PRUNE2: variants seen among roughly 807,000 people sequenced by gnomAD.
PRUNE2 encodes prune homolog 2 with BCH domain.
A neutral mutation model predicts 252.0 loss-of-function variants in PRUNE2; 164 were observed. The ratio of observed to expected loss-of-function variants is 0.65; its 90% CI spans 0.57 to 0.74. PRUNE2 has a LOEUF of 0.74. Ranked by LOEUF, PRUNE2 falls within the 30% of genes least tolerant of loss-of-function variation. The pLI, the probability that PRUNE2 is intolerant of heterozygous loss-of-function variation, is 0.00. For missense variants in PRUNE2, 3,495 were observed against 3,711.0 expected (o/e 0.94, Z 1.51); for synonymous variants, 1,292 against 1,350.2 (o/e 0.96, Z 0.94).
Position 76,707,657 on chromosome 9 carries a change from C to T in PRUNE2, c.4617G>A (p.Glu1539=). The T allele has an allele frequency of 6.2e-7, 1 of 1,613,894 alleles. No individual in the cohort carries two copies. The highest frequency in any genetic ancestry group is 1.1e-5 in the South Asian group (1 of 91,074). ...GNFDRDTISS[E]YTHSSASSPE... ...GACTTGATGCACTTGAATGAGTATA[C>T]TCACTAGAAATAGTATCTCTGTCAA... The change falls in exon 8 of 19, where the codon GAG becomes GAA. Residue 1539 remains glutamate, a synonymous_variant. Coordinates refer to ENST00000376718, the MANE Select transcript of PRUNE2 (RefSeq NM_015225.3).
chr9:76,712,473 A>G (rs1490218535), intron 7 of PRUNE2, among the ~76,000 whole-genome samples: 1 of 85,498 alleles, frequency 1.2e-5, no homozygotes, highest in Non-Finnish European at 2.1e-5. Flanking sequence ...ACCTCTGGCT[A>G]TTGCTAGGAT....
chr9:76,615,292 T>C (rs1161164856), intron 18 of PRUNE2: 1 of 944,714 alleles, frequency 1.1e-6, no homozygotes, highest in African/African-American at 1.8e-5. Flanking sequence ...AGAGGAAGAA[T>C]TTCAGTTGCG....
At chr9:76,767,636 C>T (rs2052561650) in intron 6 of PRUNE2, among the ~76,000 whole-genome samples, 1 of 152,154 alleles carries the variant, frequency 6.6e-6, no homozygotes, top group African/African-American at 2.4e-5. Flanking sequence ...TTGTTGACTT[C>T]TCATCTTCCT....
Position 76,711,337 on chromosome 9 carries a change from A to C in PRUNE2, c.937T>G (p.Cys313Gly). The change falls in exon 8 of 19, where the codon TGT becomes GGT. Residue 313 changes from cysteine (C) to glycine (G), a missense_variant. By Grantham distance (159) the Cys-to-Gly change is radical. Coordinates refer to ENST00000376718, the MANE Select transcript of PRUNE2 (RefSeq NM_015225.3). ...CSQICCELEE[C>G]QNPCLELEPF... ...TCCAGTTCTAGGCAAGGGTTCTGACACTCTTCCAGCTCACAGCAAATCTGT... is the reference window on the plus strand; with the variant it reads ...TCCAGTTCTAGGCAAGGGTTCTGACCCTCTTCCAGCTCACAGCAAATCTGT... 1 of 1,611,952 alleles carries C rather than the reference A, an allele frequency of 6.2e-7. No homozygotes were observed. Among genetic ancestry groups the C allele is most frequent in the Non-Finnish European group, 8.5e-7 (1 of 1,179,174 alleles).
chr9:76,708,385 C>A lies in PRUNE2; in HGVS notation c.3889G>T (p.Ala1297Ser), dbSNP rs1236271059. The change falls in exon 8 of 19, where the codon GCA becomes TCA. Residue 1297 changes from alanine (A) to serine (S), a missense_variant. By Grantham distance (99) the Ala-to-Ser change is moderately conservative. Coordinates refer to ENST00000376718, the MANE Select transcript of PRUNE2 (RefSeq NM_015225.3). ...TCAAGCCTAGTCGCCAAGGATGCTG[C>A]ATCACTTTGCAGGGTTTCCCTCTCT... ...DTERETLQSD[A>S]ASLATRLENP... 10 of 1,613,812 alleles carry A rather than the reference C, an allele frequency of 6.2e-6. No homozygotes were observed. The highest frequency in any genetic ancestry group is 2.2e-5 in the East Asian group (1 of 44,838).
chr9:76,746,965 T>C (rs2050181982), intron 6 of PRUNE2, among the ~76,000 whole-genome samples: 1 of 152,194 alleles, frequency 6.6e-6, no homozygotes, highest in Non-Finnish European at 1.5e-5. Flanking sequence ...GCAAATTAAT[T>C]GAACCCAAGG....
At chr9:76,854,735 G>C (rs2060146658) in intron 1 of PRUNE2, among the ~76,000 whole-genome samples, 1 of 151,952 alleles carries the variant, frequency 6.6e-6, no homozygotes, top group African/African-American at 2.4e-5. Flanking sequence ...TAACACTTTT[G>C]TCTGTCAGAA....
intron 6 of PRUNE2, among the ~76,000 whole-genome samples, chr9:76,727,094 G>A (rs1268200623): frequency 6.6e-6 from 1 of 152,162 alleles, no homozygotes; most frequent in Non-Finnish European, 1.5e-5. Flanking sequence ...TGCTGTGGGG[G>A]CTGTCTTGTA....
At chr9:76,653,836 T>C (rs1848306103) in intron 10 of PRUNE2, among the ~76,000 whole-genome samples, 1 of 152,166 alleles carries the variant, frequency 6.6e-6, no homozygotes, top group Non-Finnish European at 1.5e-5. Context: ...CAATCTTATG[T>C]GTAGGCTCCC....
chr9:76,860,121 C>T (rs1003223562), intron 1 of PRUNE2, among the ~76,000 whole-genome samples: 5 of 152,102 alleles, frequency 3.3e-5, no homozygotes, highest in African/African-American at 7.2e-5. Context: ...AGTCAGTTTC[C>T]GGGAGGGAGT....
chr9:76,691,239 A>C (rs1333039979), intron 9 of PRUNE2, among the ~76,000 whole-genome samples: 3 of 152,196 alleles, frequency 2.0e-5, no homozygotes, highest in Admixed American at 1.3e-4. Context: ...AAGAGGGGGC[A>C]GTGGATGGAG....
At chr9:76,892,849 T>A (rs1017928253) in intron 1 of PRUNE2, among the ~76,000 whole-genome samples, 16 of 152,232 alleles carry the variant, frequency 1.1e-4, no homozygotes, top group Admixed American at 1.0e-3. Context: ...TTTATTATTT[T>A]ACAAAGAAAC....
At chr9:76,718,310 G>C (rs1055505430) in intron 6 of PRUNE2, among the ~76,000 whole-genome samples, 12 of 152,168 alleles carry the variant, frequency 7.9e-5, no homozygotes, top group African/African-American at 2.7e-4. Context: ...AGATATCCTT[G>C]AGAGACAGAA....
chr9:76,691,000 C>T (rs1309623367), intron 9 of PRUNE2, among the ~76,000 whole-genome samples: 3 of 152,144 alleles, frequency 2.0e-5, no homozygotes, highest in Non-Finnish European at 4.4e-5. Flanking sequence ...TTTTTGATTG[C>T]CAGGCATCGT....
intron 6 of PRUNE2, among the ~76,000 whole-genome samples, chr9:76,788,997 C>A (rs1036626638): frequency 3.3e-5 from 5 of 152,166 alleles, no homozygotes; most frequent in Non-Finnish European, 7.3e-5. Context: ...CCAGGGAAGA[C>A]TCGTGGGAGG....
At chr9:76,865,849 C>CT (rs2060811619) in intron 1 of PRUNE2, among the ~76,000 whole-genome samples, 1 of 122,896 alleles carries the variant, frequency 8.1e-6, no homozygotes, top group Non-Finnish European at 1.7e-5. Flanking sequence ...ACACACACAC[C>CT]AGAGCATTAT....
intron 6 of PRUNE2, among the ~76,000 whole-genome samples, chr9:76,803,382 T>C (rs1451210009): frequency 6.6e-6 from 1 of 152,170 alleles, no homozygotes; most frequent in African/African-American, 2.4e-5. Flanking sequence ...ATAGGACATA[T>C]ACAGATAAGC....
chr9:76,807,130 GGCATACCACA>G (rs1230666751), intron 6 of PRUNE2, among the ~76,000 whole-genome samples: 1 of 151,470 alleles, frequency 6.6e-6, no homozygotes, highest in Non-Finnish European at 1.5e-5. Context: ...GGAGTGCAAT[GGCATACCACA>G]GCTCCTGCAG....
intron 1 of PRUNE2, among the ~76,000 whole-genome samples, chr9:76,874,746 C>G (rs982277960): frequency 6.6e-6 from 1 of 151,880 alleles, no homozygotes; most frequent in Non-Finnish European, 1.5e-5. Flanking sequence ...CGCCTCAGAA[C>G]CAGAGCATGA....
Sources: allele counts gnomAD v4.1 joint callset (sites outside exome capture counted in the v4.1 genomes callset), GRCh38; gene constraint gnomAD v4.1.1; transcripts MANE v1.5; gene names NCBI Gene and HGNC (gene_info 2026-07-23, HGNC 2026-07-21).